The following ZNF366 variants were observed in gnomAD, a reference collection of about 807,000 sequenced individuals.
The protein encoded by ZNF366 is dendritic cell-specific transcript protein.
In ZNF366, 20 loss-of-function variants were observed where a neutral mutation model predicts 47.2. The ratio of observed to expected loss-of-function variants is 0.42; its 90% CI spans 0.30 to 0.62. The LOEUF is 0.62. Among genes scored for constraint, ZNF366 ranks in the 20% least tolerant of loss-of-function variants. The pLI is 0.16. For synonymous variants in ZNF366, 421 were observed against 395.1 expected, an observed-to-expected ratio of 1.07 and a Z score of -0.78; for missense variants, 987 against 976.3, an observed-to-expected ratio of 1.01 and a Z score of -0.15.
chr5:72,483,681 C>G (rs1743832240), intron 1 of ZNF366, among the ~76,000 whole-genome samples: 1 of 152,192 alleles, frequency 6.6e-6, no homozygotes, highest in African/African-American at 2.4e-5. Context: ...CAGCCTTTCA[C>G]TTCTAGATAT....
chr5:72,484,326 T>C (rs1743846781), intron 1 of ZNF366, among the ~76,000 whole-genome samples: 1 of 150,470 alleles, frequency 6.6e-6, no homozygotes, highest in South Asian at 2.1e-4. Context: ...CTACTAAAAA[T>C]ACAAAAAATT....
chr5:72,498,127 T>C (rs1172199701), intron 1 of ZNF366, among the ~76,000 whole-genome samples: 1 of 151,918 alleles, frequency 6.6e-6, no homozygotes, highest in Non-Finnish European at 1.5e-5. Context: ...TACTCTGCGA[T>C]TCGAAAAAAA....
In ZNF366 at chr5:72,507,334, CCT is replaced by C. The variant is rs1351745374; in HGVS notation, c.-100_-99del. On this transcript the variant is annotated 5_prime_UTR_variant, in exon 1 of 5. Coordinates refer to ENST00000318442, the MANE Select transcript of ZNF366 (RefSeq NM_152625.3). ...CTCTGTCTCTCTCCCTCTCTCTCTC[CCT>C]CTTTCTCTTGTGTACAGATTGCAGG... 2.5e-5 allele frequency: 25 copies of C among 985,316 alleles called. No individual in the cohort carries two copies. The highest frequency in any genetic ancestry group is 2.9e-5 in the Non-Finnish European group (24 of 830,010). The allele number at this position is 985,316 out of a possible 1,614,324, so 61.0% of individuals were successfully genotyped here.
intron 1 of ZNF366, among the ~76,000 whole-genome samples, chr5:72,504,719 A>G (rs1461569128): frequency 6.6e-6 from 1 of 152,056 alleles, no homozygotes; most frequent in African/African-American, 2.4e-5. Flanking sequence ...TCTCTGTATT[A>G]ACAAAATACA....
chr5:72,463,490 G>A (rs1743372705), intron 1 of ZNF366, among the ~76,000 whole-genome samples: 1 of 152,242 alleles, frequency 6.6e-6, no homozygotes, highest in South Asian at 2.1e-4. Flanking sequence ...GTAATTATGA[G>A]CAAGCTCTTG....
intron 2 of ZNF366, 122 bp from the exon 3 acceptor site, chr5:72,456,717 G>T: frequency 1.1e-6 from 1 of 947,856 alleles, no homozygotes; most frequent in Non-Finnish European, 1.5e-6. Flanking sequence ...TAGATGTTGA[G>T]TTTCAAATGG....
At chr5:72,507,197 T>A in intron 1 of ZNF366, 54 bp downstream of exon 1, 1 of 984,942 alleles carries the variant, frequency 1.0e-6, no homozygotes, top group Non-Finnish European at 1.2e-6. Flanking sequence ...CCCACAGCAG[T>A]ATCCACCCAG....
chr5:72,465,607 T>C (rs1353685792), intron 1 of ZNF366, among the ~76,000 whole-genome samples: 1 of 152,156 alleles, frequency 6.6e-6, no homozygotes, highest in East Asian at 1.9e-4. Flanking sequence ...GATGGCAATC[T>C]GGTTAAGAGA....
intron 1 of ZNF366, 150 bp from the exon 2 acceptor site, chr5:72,461,660 T>A: frequency 8.6e-7 from 1 of 1,158,604 alleles, no homozygotes; most frequent in Non-Finnish European, 1.2e-6. Flanking sequence ...CTGTTCAAAA[T>A]ATCGCTTTTC....
At chr5:72,476,851 C>T (rs1243114282) in intron 1 of ZNF366, among the ~76,000 whole-genome samples, 1 of 152,120 alleles carries the variant, frequency 6.6e-6, no homozygotes, top group East Asian at 1.9e-4. Flanking sequence ...GCTCTTCTAA[C>T]CCACAAAGCT....
chr5:72,488,616 G>A (rs930603919), intron 1 of ZNF366, among the ~76,000 whole-genome samples: 6 of 152,214 alleles, frequency 3.9e-5, no homozygotes, highest in African/African-American at 1.4e-4. Flanking sequence ...CCTTGAAGGA[G>A]AATTGAAGTG....
rs185368156 is a variant in ZNF366, at chr5:72,469,319, G to A, written c.-14-7809C>T. Among the ~76,000 whole-genome samples the A allele has an allele frequency of 6.6e-4, 100 of 152,238 alleles. 2 individuals are homozygous for A. In the South Asian group the frequency reaches 0.013, roughly 21 times the overall value. ...GTAATTTGTCAAAATTTAAAGAACCGAAGGAATGAATTTTACTGAATTTAA... is the reference window on the plus strand; with the variant it reads ...GTAATTTGTCAAAATTTAAAGAACCAAAGGAATGAATTTTACTGAATTTAA... On this transcript the variant is annotated intron_variant, in intron 1 of 4. Transcript: ENST00000318442.
At chr5:72,452,259 A>G (rs571970316) in intron 3 of ZNF366, among the ~76,000 whole-genome samples, 62 of 152,206 alleles carry the variant, frequency 4.1e-4, no homozygotes, top group African/African-American at 1.3e-3. Flanking sequence ...AAAGGGAGAG[A>G]GAGGGAGGGA....
rs1166745447 is a variant in ZNF366 at position 72,444,097 on chromosome 5, T to C, written c.1894A>G (p.Ser632Gly). The change falls in exon 5 of 5, where the codon AGC becomes GGC. Residue 632 changes from serine to glycine, a missense_variant. This residue lies in a region of ZNF366 where 285 missense variants were observed against 234.8 expected (regional missense o/e 1.21). Transcript: ENST00000318442. ...EDNCYEVEPY[S>G]PGLAPQSQQL... ...TGGCTCTGGGGGGCCAGGCCAGGGC[T>C]GTAGGGCTCCACCTCGTAGCAGTTA... The C allele has an allele frequency of 1.9e-6, 3 of 1,613,994 alleles. No individual in the cohort carries two copies. Among genetic ancestry groups the C allele is most frequent in the African/African-American group, 1.3e-5 (1 of 74,950 alleles).
intron 1 of ZNF366, among the ~76,000 whole-genome samples, chr5:72,481,905 G>A (rs541525527): frequency 1.3e-5 from 2 of 152,310 alleles, no homozygotes; most frequent in South Asian, 2.1e-4. Context: ...TAGTGCATGG[G>A]AAAGGGTTTC....
intron 3 of ZNF366, among the ~76,000 whole-genome samples, chr5:72,452,212 C>T (rs1186421131): frequency 6.6e-6 from 1 of 152,202 alleles, no homozygotes; most frequent in Non-Finnish European, 1.5e-5. Flanking sequence ...ATTCTTCTCC[C>T]TCTCTCTCTT....
At chr5:72,492,416 G>A (rs1744030840) in intron 1 of ZNF366, among the ~76,000 whole-genome samples, 2 of 152,158 alleles carry the variant, frequency 1.3e-5, no homozygotes, top group South Asian at 4.1e-4. Flanking sequence ...AGTGGAGTCT[G>A]AGAAACTAAT....
intron 3 of ZNF366, among the ~76,000 whole-genome samples, chr5:72,448,943 C>G (rs1580231026): frequency 6.6e-6 from 1 of 152,288 alleles, no homozygotes; most frequent in East Asian, 1.9e-4. Context: ...CTTTTGCTCT[C>G]TCTTACTAGC....
chr5:72,499,352 C>A (rs1375700458), intron 1 of ZNF366, among the ~76,000 whole-genome samples: 1 of 152,148 alleles, frequency 6.6e-6, no homozygotes, highest in African/African-American at 2.4e-5. Context: ...AATAGTCCCT[C>A]CTTGCCCAGA....
Sources: allele counts gnomAD v4.1 joint callset (sites outside exome capture counted in the v4.1 genomes callset), GRCh38; gene constraint gnomAD v4.1.1; regional missense constraint gnomAD v4.1.1; transcripts MANE v1.5; gene names NCBI Gene and HGNC (gene_info 2026-07-23, HGNC 2026-07-21).